CHD1L: variants seen among roughly 807,000 people sequenced by gnomAD.
The protein encoded by CHD1L is chromodomain helicase DNA binding protein 1 like, also known as ATP-dependent chromatin remodeler CHD1L.
CHD1L carries 118 observed loss-of-function variants against 115.9 expected under a neutral mutation model. That is an observed-to-expected ratio of 1.02 (90% CI 0.88 to 1.19). CHD1L has a LOEUF of 1.19. Among genes scored for constraint, CHD1L ranks in the 50% most tolerant of loss-of-function variants. The pLI is 0.00. For synonymous variants in CHD1L, 411 were observed against 387.1 expected (o/e 1.06, Z -0.72); for missense variants, 1,179 against 1,065.3 (o/e 1.11, Z -1.49).
chr1:147,201,984 A>G, the CHD1L span, among the ~76,000 whole-genome samples: 1 of 152,202 alleles, frequency 6.6e-6, no homozygotes, highest in East Asian at 1.9e-4. Context: ...TTGCTTTTAC[A>G]TGCATTAACT....
chr1:147,204,542 C>T, the CHD1L span: 3 of 1,579,202 alleles, frequency 1.9e-6, no homozygotes, highest in South Asian at 3.4e-5. Flanking sequence ...ATTTCATAAC[C>T]TTCTATGACC....
At chr1:147,209,971 G>A in the CHD1L span, 1 of 152,144 alleles carries the variant, frequency 6.6e-6, no homozygotes, top group Non-Finnish European at 1.5e-5. Flanking sequence ...GTTTTCTCAA[G>A]GATAGGAGAT....
chr1:147,275,542 T>C (rs1678064362), intron 13 of CHD1L, 74 bp downstream of exon 13: 2 of 1,170,106 alleles, frequency 1.7e-6, no homozygotes, highest in Non-Finnish European at 2.5e-6. Flanking sequence ...AAGAATATAG[T>C]CCTGGTGACA....
At chr1:147,222,891 G>A in the CHD1L span, among the ~76,000 whole-genome samples, 1 of 152,176 alleles carries the variant, frequency 6.6e-6, no homozygotes, top group Non-Finnish European at 1.5e-5. Flanking sequence ...TGCCTTTTCA[G>A]TAACTGCCAA....
chr1:147,201,858 G>T, the CHD1L span, among the ~76,000 whole-genome samples: 246 of 152,314 alleles, frequency 1.6e-3, 2 homozygotes, highest in Middle Eastern at 6.8e-3. Flanking sequence ...GAACTAAGCT[G>T]TCAACATTCT....
At chr1:147,272,093 G>C (rs952603909) in intron 11 of CHD1L, 78 bp from the exon 12 acceptor site, 1 of 1,290,394 alleles carries the variant, frequency 7.7e-7, no homozygotes, top group Admixed American at 2.1e-5. Context: ...TTGGCCTTTG[G>C]TTTTGGGCTT....
the CHD1L span, chr1:147,178,125 C>T: frequency 6.3e-7 from 1 of 1,592,966 alleles, no homozygotes. Context: ...TGTGCCTCCG[C>T]CGCCCAGCGC....
intron 22 of CHD1L, 121 bp from the exon 23 acceptor site, chr1:147,295,310 G>A (rs587598681): frequency 1.6e-4 from 114 of 707,020 alleles, no homozygotes; most frequent in Admixed American, 8.6e-4. Context: ...TTATGATATC[G>A]TGAGAGAATT....
At chr1:147,185,305 C>G in the CHD1L span, among the ~76,000 whole-genome samples, 1 of 151,846 alleles carries the variant, frequency 6.6e-6, no homozygotes, top group Non-Finnish European at 1.5e-5. Context: ...TATCAAAGGG[C>G]TGTTAATTCA....
chr1:147,193,002 A>T, the CHD1L span, among the ~76,000 whole-genome samples: 1 of 152,132 alleles, frequency 6.6e-6, no homozygotes, highest in Non-Finnish European at 1.5e-5. Flanking sequence ...AGGCTTTGGT[A>T]TCAGGATGAT....
the CHD1L span, among the ~76,000 whole-genome samples, chr1:147,177,032 CA>C: frequency 6.6e-6 from 1 of 151,710 alleles, no homozygotes; most frequent in Admixed American, 6.6e-5. Context: ...GGCCTAGAAG[CA>C]ATGACAAGCA....
chr1:147,243,441 A>G (rs1316948259), intron 1 of CHD1L, among the ~76,000 whole-genome samples: 3 of 151,968 alleles, frequency 2.0e-5, no homozygotes, highest in Non-Finnish European at 4.4e-5. Context: ...ATGCCAACTT[A>G]GCTTGTCCGC....
At chr1:147,183,333 CTGTT>C in the CHD1L span, among the ~76,000 whole-genome samples, 1 of 152,182 alleles carries the variant, frequency 6.6e-6, no homozygotes, top group African/African-American at 2.4e-5. Flanking sequence ...GAATTATTCA[CTGTT>C]TGATTTAATC....
Position 147,293,597 on chromosome 1 carries a change from G to T in CHD1L, c.2392-11G>T. ...ATGTTGGGTTGGTCATCTAATGGTG[G>T]TTCTTTCCAGTTGGCCTTGATTGTG... On this transcript the variant is annotated splice_polypyrimidine_tract_variant and intron_variant, in intron 20 of 22. Coordinates refer to ENST00000369258, the MANE Select transcript of CHD1L (RefSeq NM_004284.6). 4 of 1,612,374 alleles carry T rather than the reference G, an allele frequency of 2.5e-6. No individual in the cohort carries two copies. Among genetic ancestry groups the T allele is most frequent in the Non-Finnish European group, 3.4e-6 (4 of 1,178,854 alleles).
the CHD1L span, chr1:147,204,750 C>T: frequency 2.6e-6 from 4 of 1,529,734 alleles, no homozygotes; most frequent in African/African-American, 5.5e-5. Flanking sequence ...CAAACAACTT[C>T]TCCAAGTGGT....
the CHD1L span, among the ~76,000 whole-genome samples, chr1:147,228,686 T>C: frequency 6.6e-6 from 1 of 152,248 alleles, no homozygotes; most frequent in East Asian, 1.9e-4. Context: ...TTCCTGACTT[T>C]TTAATGATCC....
intron 19 of CHD1L, among the ~76,000 whole-genome samples, chr1:147,289,627 C>T (rs148607980): frequency 6.6e-6 from 1 of 152,260 alleles, no homozygotes; most frequent in Non-Finnish European, 1.5e-5. Flanking sequence ...TTCCAATTCC[C>T]AGGGAAGGCT....
At chr1:147,248,435 C>G (rs113662441) in intron 1 of CHD1L, among the ~76,000 whole-genome samples, 2,626 of 152,078 alleles carry the variant, frequency 0.017, 78 homozygotes, top group African/African-American at 0.06. Context: ...CTTGAACTCC[C>G]TACCTCAGGA....
At chr1:147,284,983 G>GGC (rs1304285784) in intron 16 of CHD1L, among the ~76,000 whole-genome samples, 1 of 152,178 alleles carries the variant, frequency 6.6e-6, no homozygotes, top group East Asian at 1.9e-4. Flanking sequence ...CATTAAAAAT[G>GGC]GCTGAAGTGG....
Sources: allele counts gnomAD v4.1 joint callset (sites outside exome capture counted in the v4.1 genomes callset), GRCh38; gene constraint gnomAD v4.1.1; transcripts MANE v1.5; gene names NCBI Gene and HGNC (gene_info 2026-07-23, HGNC 2026-07-21).